SCAF4: variants seen among roughly 807,000 people sequenced by gnomAD.
SCAF4 encodes SR-related CTD associated factor 4.
In SCAF4, 25 loss-of-function variants were observed where a neutral mutation model predicts 129.8. The observed-to-expected ratio is 0.19, with a 90% CI of 0.14 to 0.27. SCAF4 has a LOEUF of 0.27. SCAF4 is among the 10% of genes least tolerant of loss of function. The pLI, the probability that SCAF4 is intolerant of heterozygous loss-of-function variation, is 1.00. For synonymous variants in SCAF4, 551 were observed against 497.7 expected (o/e 1.11, Z -1.43); for missense variants, 1,246 against 1,457.1 (o/e 0.86, Z 2.36).
At chr21:31,678,984 T>C (rs2049933143) in intron 19 of SCAF4, among the ~76,000 whole-genome samples, 1 of 152,192 alleles carries the variant, frequency 6.6e-6, no homozygotes, top group Non-Finnish European at 1.5e-5. Context: ...TAGATATTTA[T>C]TGAACATATG....
intron 1 of SCAF4, among the ~76,000 whole-genome samples, chr21:31,710,578 C>A (rs749124474): frequency 1.3e-5 from 2 of 151,892 alleles, no homozygotes; most frequent in African/African-American, 2.4e-5. Context: ...AACAAAAAAA[C>A]CACAAAACAG....
At chr21:31,711,691 A>G (rs1163993659) in intron 1 of SCAF4, among the ~76,000 whole-genome samples, 1 of 152,226 alleles carries the variant, frequency 6.6e-6, no homozygotes, top group African/African-American at 2.4e-5. Context: ...AGAATAGTGT[A>G]CAGATAGTAA....
rs755990401 is a variant in SCAF4 at position 31,671,934 on chromosome 21, G to A, written c.2909C>T (p.Ser970Leu). ...QQQQQQQPPP[S>L]QQPPPTQQQP... Reference sequence around the variant, plus strand: ...CTGCTGTGTTGGTGGAGGCTGTTGTGATGGTGGTGGCTGCTGCTGCTGCTG... The same window carrying A: ...CTGCTGTGTTGGTGGAGGCTGTTGTAATGGTGGTGGCTGCTGCTGCTGCTG... The change falls in exon 20 of 20, where the codon TCA becomes TTA. Residue 970 changes from serine (S) to leucine (L), a missense_variant. By Grantham distance (145) the Ser-to-Leu change is moderately radical (BLOSUM62 -2). Coordinates refer to ENST00000286835, the MANE Select transcript of SCAF4 (RefSeq NM_020706.2). 1 of 1,610,714 alleles carries A rather than the reference G, an allele frequency of 6.2e-7. No homozygotes were observed. Among genetic ancestry groups the A allele is most frequent in the East Asian group, 2.2e-5 (1 of 44,822 alleles).
intron 1 of SCAF4, among the ~76,000 whole-genome samples, chr21:31,719,714 G>A (rs2051025727): frequency 6.6e-6 from 1 of 152,074 alleles, no homozygotes; most frequent in African/African-American, 2.4e-5. Context: ...ATGTTGGTCA[G>A]GCTGGTCTCG....
chr21:31,687,945 T>C (rs1305568513), intron 16 of SCAF4, among the ~76,000 whole-genome samples: 1 of 151,388 alleles, frequency 6.6e-6, no homozygotes, highest in African/African-American at 2.4e-5. Flanking sequence ...CCGTCTCTAC[T>C]AAAAATACAA....
intron 1 of SCAF4, among the ~76,000 whole-genome samples, chr21:31,720,500 C>A (rs547674482): frequency 1.3e-5 from 2 of 152,218 alleles, no homozygotes; most frequent in Non-Finnish European, 2.9e-5. Flanking sequence ...CTTCTCCCCA[C>A]ATAAATGGTC....
chr21:31,713,773 A>C (rs866734480), intron 1 of SCAF4, among the ~76,000 whole-genome samples: 13 of 151,976 alleles, frequency 8.6e-5, no homozygotes, highest in African/African-American at 1.2e-4. Flanking sequence ...GGCAGGGAAG[A>C]AGCACTGCCA....
At chr21:31,702,408 A>G (rs2050555316) in intron 4 of SCAF4, 29 bp from the exon 5 acceptor site, 4 of 1,599,298 alleles carry the variant, frequency 2.5e-6, no homozygotes, top group East Asian at 2.2e-5. Context: ...ACAAATATAC[A>G]ATAAATATTT....
chr21:31,705,485 A>G lies in SCAF4; in HGVS notation c.115-18T>C, dbSNP rs755492906. On this transcript the variant is annotated intron_variant, in intron 2 of 19. Coordinates refer to ENST00000286835, the MANE Select transcript of SCAF4 (RefSeq NM_020706.2). ...TTATAAAGCTGAAAAGAATTAAGAG[A>G]AAATTACTGTTCAGTTTACTTATTT... is the stretch of plus-strand genomic sequence containing the variant. The G allele has an allele frequency of 8.4e-7, 1 of 1,186,116 alleles. No homozygotes were observed. The highest frequency in any genetic ancestry group is 2.5e-5 in the East Asian group (1 of 39,656). 73.5% of individuals were successfully genotyped at this position (1,186,116 alleles called of 1,614,324 possible). A position where few individuals can be genotyped will look rare whatever the true frequency, so the allele number is the denominator to read the frequency against.
intron 16 of SCAF4, among the ~76,000 whole-genome samples, chr21:31,686,210 A>AG (rs1226703718): frequency 8.4e-5 from 12 of 142,852 alleles, no homozygotes; most frequent in Middle Eastern, 3.4e-3. Flanking sequence ...CTTCAAAAAA[A>AG]AAAAAAGAAA....
At chr21:31,713,755 G>A (rs1291310873) in intron 1 of SCAF4, among the ~76,000 whole-genome samples, 1 of 143,300 alleles carries the variant, frequency 7.0e-6, no homozygotes, top group Non-Finnish European at 1.5e-5. Flanking sequence ...CGGGGGTGGG[G>A]TGGGGGGGGC....
In SCAF4 at chr21:31,719,002, G is replaced by A. The variant is rs567715419; in HGVS notation, c.31-12645C>T. ...GTGCAGTAAGAACATTAAGAAAACA[G>A]AATATAGGTGGGGCACGGTGGCTCA... On this transcript the variant is annotated intron_variant, in intron 1 of 19. Coordinates refer to ENST00000286835, the MANE Select transcript of SCAF4 (RefSeq NM_020706.2). Among the ~76,000 whole-genome samples the A allele has an allele frequency of 1.2e-4, 18 of 152,210 alleles. No individual in the cohort carries two copies. The East Asian group carries it at 3.5e-3, about 29-fold the overall frequency.
At chr21:31,697,843 G>A (rs1018483948) in intron 7 of SCAF4, among the ~76,000 whole-genome samples, 19 of 152,198 alleles carry the variant, frequency 1.2e-4, no homozygotes, top group African/African-American at 4.1e-4. Flanking sequence ...TGTAGTTCTA[G>A]GCCAAGTGAG....
intron 1 of SCAF4, among the ~76,000 whole-genome samples, chr21:31,720,852 G>C (rs2051049210): frequency 6.6e-6 from 1 of 152,090 alleles, no homozygotes; most frequent in Non-Finnish European, 1.5e-5. Flanking sequence ...CTTAGGATTC[G>C]GGATCAACAA....
chr21:31,688,316 T>C lies in SCAF4; in HGVS notation c.2034A>G (p.Pro678=), dbSNP rs768456555. Residue 678 remains proline, a synonymous_variant, in exon 16 of 20, where the codon CCA becomes CCG. Coordinates refer to ENST00000286835, the MANE Select transcript of SCAF4 (RefSeq NM_020706.2). ...PIPVPAPITV[P]PPQVPPHQPG... is the part of the protein sequence containing the mutation. Reference sequence around the variant, plus strand: ...GTCCCAATATTCTCACCTGTGGAGGTGGCACTGTTATAGGTGCAGGAACAG... The same window carrying C: ...GTCCCAATATTCTCACCTGTGGAGGCGGCACTGTTATAGGTGCAGGAACAG... The C allele has an allele frequency of 6.4e-5, 104 of 1,612,778 alleles. No homozygotes were observed. The highest frequency in any genetic ancestry group is 8.3e-5 in the Non-Finnish European group (98 of 1,179,448).
At chr21:31,686,203 CAAAAAAAAAAAAAGAAA>C (rs1251843857) in intron 16 of SCAF4, among the ~76,000 whole-genome samples, 1 of 75,898 alleles carries the variant, frequency 1.3e-5, no homozygotes, top group Admixed American at 1.3e-4. Flanking sequence ...ACTTGGTCTT[CAAAAAAAAAAAAAGAAA>C]AAAAAAAAAA....
chr21:31,719,007 T>C (rs1197976592), intron 1 of SCAF4, among the ~76,000 whole-genome samples: 1 of 152,120 alleles, frequency 6.6e-6, no homozygotes, highest in Non-Finnish European at 1.5e-5. Flanking sequence ...AAACAGAATA[T>C]AGGTGGGGCA....
chr21:31,717,338 T>A (rs951476781), intron 1 of SCAF4, among the ~76,000 whole-genome samples: 1 of 151,990 alleles, frequency 6.6e-6, no homozygotes, highest in Non-Finnish European at 1.5e-5. Flanking sequence ...GGTAACTACA[T>A]AAAAAATTCC....
intron 10 of SCAF4, 87 bp from the exon 11 acceptor site, chr21:31,694,376 T>C: frequency 1.2e-6 from 1 of 814,642 alleles, no homozygotes; most frequent in Non-Finnish European, 1.9e-6. Context: ...ATATTAAAAA[T>C]CTCCTTCCCT....
Sources: gnomAD v4.1 joint callset for allele counts (sites outside exome capture counted in the v4.1 genomes callset) on GRCh38, gnomAD v4.1.1 for gene constraint, MANE v1.5 for transcripts, NCBI Gene and HGNC (gene_info 2026-07-23, HGNC 2026-07-21) for gene names.